The following SIPA1L1 variants were observed in gnomAD, a reference collection of about 807,000 sequenced individuals.
The protein encoded by SIPA1L1 is signal induced proliferation associated 1 like 1.
Under a neutral mutation model 162.7 loss-of-function variants are expected in SIPA1L1, and 26 were observed. That is an observed-to-expected ratio of 0.16 (90% confidence interval 0.12 to 0.22). SIPA1L1 has a LOEUF of 0.22. SIPA1L1 is among the 10% of genes least tolerant of loss of function. SIPA1L1 has a pLI of 1.00. For synonymous variants in SIPA1L1, 829 were observed against 837.4 expected, an observed-to-expected ratio of 0.99 and a Z score of 0.17; for missense variants, 1,874 against 2,241.0, an observed-to-expected ratio of 0.84 and a Z score of 3.31.
In SIPA1L1 at chr14:71,681,594, A is replaced by G. The variant is rs547646013; in HGVS notation, c.3105-3768A>G. Among the ~76,000 whole-genome samples, 6 of 152,364 alleles carry G rather than the reference A, an allele frequency of 3.9e-5. No homozygotes were observed. In the East Asian group the frequency reaches 5.8e-4, roughly 15 times the overall value. On this transcript the variant is annotated intron_variant, in intron 12 of 23. Coordinates refer to ENST00000381232, the MANE Select transcript of SIPA1L1 (RefSeq NM_001386936.1). ...CTGCTTTAGAGTGAAGAGGGCAATT[A>G]GAAATCATGTGGTTCAGATCTCTCA...
intron 3 of SIPA1L1, among the ~76,000 whole-genome samples, chr14:71,515,128 A>G (rs994779142): frequency 6.6e-6 from 1 of 152,228 alleles, no homozygotes; most frequent in Non-Finnish European, 1.5e-5. Context: ...TATATTGGCT[A>G]AATTCCAAAA....
chr14:71,539,586 C>G (rs946578353), intron 4 of SIPA1L1, among the ~76,000 whole-genome samples: 10 of 152,238 alleles, frequency 6.6e-5, no homozygotes, highest in Admixed American at 6.5e-4. Context: ...TGAGAAATAA[C>G]TGACCAGAGA....
At chr14:71,471,722 C>G (rs1338719297) in intron 2 of SIPA1L1, among the ~76,000 whole-genome samples, 1 of 152,172 alleles carries the variant, frequency 6.6e-6, no homozygotes, top group Non-Finnish European at 1.5e-5. Flanking sequence ...GGTTATTGGT[C>G]TGGTGGACAG....
intron 13 of SIPA1L1, among the ~76,000 whole-genome samples, chr14:71,696,614 C>T (rs1482735078): frequency 6.6e-6 from 1 of 152,158 alleles, no homozygotes; most frequent in African/African-American, 2.4e-5. Context: ...GGTACTTGTC[C>T]TGAATCCCCC....
intron 2 of SIPA1L1, among the ~76,000 whole-genome samples, chr14:71,471,150 GTT>G (rs1242593865): frequency 6.6e-6 from 1 of 151,258 alleles, no homozygotes; most frequent in African/African-American, 2.4e-5. Flanking sequence ...GGCCTCAGAG[GTT>G]TTTTTAGGAG....
Position 71,589,129 on chromosome 14 carries a change from T to C in SIPA1L1, c.1257T>C (p.Asn419=). ...ELVMSCPYFR[N]EIGGEGERKI... is the part of the protein sequence containing the mutation. ...TAATGAGCTGTCCATATTTTCGGAA[T>C]GAGATAGGTGGAGAAGGGGAGAGGA... The change falls in exon 5 of 24, where the codon AAT becomes AAC. Residue 419 remains asparagine, a synonymous_variant. Coordinates refer to ENST00000381232, the MANE Select transcript of SIPA1L1 (RefSeq NM_001386936.1). The C allele has an allele frequency of 1.2e-6, 2 of 1,613,276 alleles. No individual in the cohort carries two copies. Among genetic ancestry groups the C allele is most frequent in the Non-Finnish European group, 8.5e-7 (1 of 1,179,238 alleles).
chr14:71,539,403 G>A (rs556531395), intron 4 of SIPA1L1, among the ~76,000 whole-genome samples: 2 of 152,130 alleles, frequency 1.3e-5, no homozygotes, highest in Non-Finnish European at 2.9e-5. Context: ...TTCTCGATTA[G>A]GCCAGCTTGG....
Position 71,723,676 on chromosome 14 carries a change from C to T in SIPA1L1, c.4238C>T (p.Pro1413Leu). The T allele has an allele frequency of 6.2e-7, 1 of 1,614,208 alleles. No individual in the cohort carries two copies. Among genetic ancestry groups the T allele is most frequent in the Non-Finnish European group, 8.5e-7 (1 of 1,180,042 alleles). The change falls in exon 18 of 24, where the codon CCA (proline) becomes CTA (leucine). Residue 1413 changes from proline (P) to leucine (L), a missense_variant. Coordinates refer to ENST00000381232, the MANE Select transcript of SIPA1L1 (RefSeq NM_001386936.1). ...STMSSRHSAS[P>L]VVFTSARSSP... Reference sequence around the variant, plus strand: ...ATGAGCTCCCGACACTCTGCCAGCCCAGTGGTTTTCACCAGTGCCCGGAGT... The same window carrying T: ...ATGAGCTCCCGACACTCTGCCAGCCTAGTGGTTTTCACCAGTGCCCGGAGT...
intron 2 of SIPA1L1, among the ~76,000 whole-genome samples, chr14:71,393,772 G>A (rs562594359): frequency 3.3e-4 from 50 of 152,300 alleles, no homozygotes; most frequent in African/African-American, 1.1e-3. Flanking sequence ...AGTGAGCCAT[G>A]ATCATGCTAC....
intron 2 of SIPA1L1, among the ~76,000 whole-genome samples, chr14:71,484,545 A>G (rs780052072): frequency 1.3e-5 from 2 of 152,110 alleles, no homozygotes; most frequent in South Asian, 4.1e-4. Context: ...TTTTCATTTT[A>G]TGATTTTTAG....
intron 2 of SIPA1L1, among the ~76,000 whole-genome samples, chr14:71,438,750 G>GT (rs1462390736): frequency 1.3e-5 from 2 of 152,116 alleles, no homozygotes; most frequent in African/African-American, 4.8e-5. Flanking sequence ...AATTAAGGAA[G>GT]TAAGGAGGTA....
At chr14:71,577,406 T>C (rs2147186145) in intron 4 of SIPA1L1, among the ~76,000 whole-genome samples, 1 of 151,360 alleles carries the variant, frequency 6.6e-6, no homozygotes, top group South Asian at 2.1e-4. Context: ...GAGACAAATC[T>C]CACTCCGTTG....
intron 17 of SIPA1L1, among the ~76,000 whole-genome samples, chr14:71,718,755 G>A (rs973280533): frequency 1.3e-5 from 2 of 152,128 alleles, no homozygotes; most frequent in East Asian, 3.8e-4. Context: ...TGTGCCCTGT[G>A]TCTTTAAGTC....
intron 2 of SIPA1L1, among the ~76,000 whole-genome samples, chr14:71,423,389 A>G (rs1457367166): frequency 6.6e-6 from 1 of 152,192 alleles, no homozygotes; most frequent in Non-Finnish European, 1.5e-5. Context: ...CATATCTAAG[A>G]AAACATTGCC....
intron 2 of SIPA1L1, among the ~76,000 whole-genome samples, chr14:71,458,763 G>A (rs918961267): frequency 1.3e-5 from 2 of 151,792 alleles, no homozygotes; most frequent in African/African-American, 2.4e-5. Flanking sequence ...TTTCACTACC[G>A]GTGTCTGAGG....
intron 4 of SIPA1L1, among the ~76,000 whole-genome samples, chr14:71,550,312 C>G (rs2055692050): frequency 6.6e-6 from 1 of 152,104 alleles, no homozygotes; most frequent in African/African-American, 2.4e-5. Flanking sequence ...AATAAACTTG[C>G]TCCATGCAGC....
intron 7 of SIPA1L1, among the ~76,000 whole-genome samples, chr14:71,625,403 G>A (rs970600698): frequency 6.6e-6 from 1 of 151,754 alleles, no homozygotes; most frequent in African/African-American, 2.4e-5. Flanking sequence ...AGGTTCAAGC[G>A]ATTCTGTTGC....
At chr14:71,533,565 A>G (rs999032127) in intron 4 of SIPA1L1, among the ~76,000 whole-genome samples, 1 of 152,216 alleles carries the variant, frequency 6.6e-6, no homozygotes, top group African/African-American at 2.4e-5. Context: ...TTTGGCAGTA[A>G]GTAGAAGAAA....
At chr14:71,669,758 G>A (rs1297617381) in intron 10 of SIPA1L1, among the ~76,000 whole-genome samples, 1 of 152,114 alleles carries the variant, frequency 6.6e-6, no homozygotes, top group African/African-American at 2.4e-5. Flanking sequence ...AAGTGAACTA[G>A]GTAGTCTTTT....
Sources: allele counts gnomAD v4.1 joint callset (sites outside exome capture counted in the v4.1 genomes callset), GRCh38; gene constraint gnomAD v4.1.1; transcripts MANE v1.5; gene names NCBI Gene and HGNC (gene_info 2026-07-23, HGNC 2026-07-21).